APBA3: variants seen among roughly 807,000 people sequenced by gnomAD.
APBA3 encodes amyloid-beta A4 precursor protein-binding family A member 3.
In APBA3, 45 loss-of-function variants were observed where a neutral mutation model predicts 55.9. That is an observed-to-expected ratio of 0.80 (90% confidence interval 0.63 to 1.03). APBA3 has a LOEUF of 1.03. APBA3 is among the 50% of genes least tolerant of loss of function. The probability of loss-of-function intolerance (pLI) is 0.00; values close to 1 mark genes in which losing one functional copy is unlikely to be tolerated. For missense variants in APBA3, 865 were observed against 820.3 expected (o/e 1.05, Z -0.67); for synonymous variants, 370 against 353.3 (o/e 1.05, Z -0.53).
chr19:3,760,491 G>T (rs1434706811), intron 1 of APBA3, among the ~76,000 whole-genome samples, 190 bp from the exon 2 acceptor site: 1 of 151,448 alleles, frequency 6.6e-6, no homozygotes, highest in Admixed American at 6.6e-5. Context: ...GCTCACGCCT[G>T]TAATTCCCAG....
Position 3,760,284 on chromosome 19 carries a change from G to A in APBA3, c.-20C>T, listed in dbSNP as rs1322415561. On this transcript the variant is annotated 5_prime_UTR_variant, in exon 2 of 11. Coordinates refer to ENST00000316757, the MANE Select transcript of APBA3 (RefSeq NM_004886.4). Reference sequence around the variant, plus strand: ...GTCCATGCCTGGACTCCAGGCTTAGGCCGGCATCTTCAGGCAGCTGAAAGA... The same window carrying A: ...GTCCATGCCTGGACTCCAGGCTTAGACCGGCATCTTCAGGCAGCTGAAAGA... The A allele has an allele frequency of 3.8e-6, 6 of 1,571,234 alleles. No homozygotes were observed. Among genetic ancestry groups the A allele is most frequent in the Non-Finnish European group, 5.1e-6 (6 of 1,168,336 alleles).
chr19:3,752,439 A>C, intron 8 of APBA3, 69 bp downstream of exon 8: 1 of 1,407,102 alleles, frequency 7.1e-7, no homozygotes. Context: ...CTGGCCAGGG[A>C]GGAGACCTCT....
At chr19:3,756,424 A>C (rs1487565427) in intron 3 of APBA3, 1 of 152,262 alleles carries the variant, frequency 6.6e-6, no homozygotes, top group Admixed American at 6.5e-5. Context: ...GGTTGCAGTG[A>C]GCCAAGATTG....
chr19:3,751,623 C>T, intron 8 of APBA3, 70 bp from the exon 9 acceptor site: 1 of 1,492,344 alleles, frequency 6.7e-7, no homozygotes, highest in Non-Finnish European at 8.9e-7. Context: ...CCCTCTGGGC[C>T]TCAGTTTACC....
rs2036995195 is a variant in APBA3, at chr19:3,751,222, G to A, written c.1623C>T (p.Arg541=). The A allele has an allele frequency of 1.9e-6, 3 of 1,550,466 alleles. No homozygotes were observed. Among genetic ancestry groups the A allele is most frequent in the Non-Finnish European group, 2.6e-6 (3 of 1,148,884 alleles). Residue 541 remains arginine, a synonymous_variant, in exon 10 of 11, where the codon CGC becomes CGT. Coordinates refer to ENST00000316757, the MANE Select transcript of APBA3 (RefSeq NM_004886.4). ...AGGCCTCGGTGAGCAGCTCGATGAT[G>A]CGGGCGTGTGGCGTGGCCACCACAC... The part of the protein sequence containing the change: ...GQSVVATPHA[R]IIELLTEAYG...
chr19:3,757,738 T>C (rs1171277945), intron 3 of APBA3, among the ~76,000 whole-genome samples: 1 of 152,142 alleles, frequency 6.6e-6, no homozygotes, highest in Non-Finnish European at 1.5e-5. Flanking sequence ...GAAATTGTTC[T>C]TCCCATGCTT....
rs368420587 is a variant in APBA3 at position 3,759,931 on chromosome 19, G to A, written c.334C>T (p.Leu112=). Residue 112 remains leucine, a synonymous_variant, in exon 2 of 11, where the codon CTG becomes TTG. Transcript: ENST00000316757. ...TCCTCGCAGTGCAAGAGGCCCAGCA[G>A]GTCATCCCGGCCAGCTTCGGCAGAC... ...LLSAEAGRDD[L]LGLLHCEECP... 1.2e-6 allele frequency: 2 copies of A among 1,610,936 alleles called. No individual in the cohort carries two copies. The highest frequency in any genetic ancestry group is 3.4e-5 in the Admixed American group (2 of 59,302).
intron 3 of APBA3, chr19:3,754,620 T>C: frequency 2.5e-6 from 1 of 407,522 alleles, no homozygotes; most frequent in Non-Finnish European, 4.4e-6. Context: ...CACAGATACC[T>C]TCACCCCGTG....
chr19:3,759,857 G>T lies in APBA3; in HGVS notation c.408C>A (p.Pro136=). Residue 136 remains proline (P), a synonymous_variant, in exon 2 of 11, where the codon CCC becomes CCA. Transcript: ENST00000316757. ...TGPEEPLEPA[P]RLLQPPEDPD... ...GGTCCTCAGGGGGCTGCAACAGTCG[G>T]GGGGCAGGCTCTAGAGGCTCTTCAG... 1 of 1,612,680 alleles carries T rather than the reference G, an allele frequency of 6.2e-7. No individual in the cohort carries two copies. Among genetic ancestry groups the T allele is most frequent in the Non-Finnish European group, 8.5e-7 (1 of 1,179,870 alleles).
chr19:3,751,235 G>T lies in APBA3; in HGVS notation c.1610C>A (p.Thr537Lys). 1 of 1,548,012 alleles carries T rather than the reference G, an allele frequency of 6.5e-7. No homozygotes were observed. The highest frequency in any genetic ancestry group is 1.2e-5 in the South Asian group (1 of 84,174). The change falls in exon 10 of 11, where the codon ACG becomes AAG. Residue 537 changes from threonine to lysine, a missense_variant. Transcript: ENST00000316757. The part of the protein sequence containing the change: ...IEINGQSVVA[T>K]PHARIIELLT... ...CAGCTCGATGATGCGGGCGTGTGGCGTGGCCACCACACTCTGCCCATTGAT... is the reference window on the plus strand; with the variant it reads ...CAGCTCGATGATGCGGGCGTGTGGCTTGGCCACCACACTCTGCCCATTGAT...
rs780597479 is a variant in APBA3, at chr19:3,751,310, C to A, written c.1535G>T (p.Gly512Val). 45 of 1,538,234 alleles carry A rather than the reference C, an allele frequency of 2.9e-5. No individual in the cohort carries two copies. In the South Asian group the frequency reaches 5.1e-4, roughly 18 times the overall value. ...EDGIICSLLR[G>V]GIAERGGIRV... The stretch of plus-strand genomic sequence containing the variant: ...GATGCCCCCACGCTCGGCGATGCCA[C>A]CACGGAGGAGGCTGCAGATCTGGGG... Residue 512 changes from glycine to valine, a missense_variant, in exon 10 of 11, where the codon GGT becomes GTT. Coordinates refer to ENST00000316757, the MANE Select transcript of APBA3 (RefSeq NM_004886.4).
In APBA3 at chr19:3,751,485, G is replaced by C. The variant is rs375775594; in HGVS notation, c.1464C>G (p.Ile488Met). Reference sequence around the variant, plus strand: ...GCTGCTCGCGGGCGTGGGGCCGGTGGATGATGGCGGTGGTGACGGGAGGGC... The same window carrying C: ...GCTGCTCGCGGGCGTGGGGCCGGTGCATGATGGCGGTGGTGACGGGAGGGC... ...VHCPPVTTAI[I>M]HRPHAREQLG... The change falls in exon 9 of 11, where the codon ATC becomes ATG. Residue 488 changes from isoleucine to methionine, a missense_variant. Ile to Met is a conservative substitution (Grantham distance 10). Transcript: ENST00000316757. 40 of 1,574,520 alleles carry C rather than the reference G, an allele frequency of 2.5e-5. No homozygotes were observed. The highest frequency in any genetic ancestry group is 3.4e-5 in the Non-Finnish European group (40 of 1,164,158).
chr19:3,753,133 G>T (rs936231947), intron 6 of APBA3, 143 bp from the exon 7 acceptor site: 2 of 959,384 alleles, frequency 2.1e-6, no homozygotes, highest in Non-Finnish European at 1.5e-6. Context: ...CTGGGGCTTT[G>T]GGGGAGGTGG....
Position 3,760,144 on chromosome 19 carries a change from G to A in APBA3, c.121C>T (p.Pro41Ser). The A allele has an allele frequency of 6.2e-7, 1 of 1,613,426 alleles. No individual in the cohort carries two copies. The highest frequency in any genetic ancestry group is 8.5e-7 in the Non-Finnish European group (1 of 1,180,026). The change falls in exon 2 of 11, where the codon CCA becomes TCA. Residue 41 changes from proline (P) to serine (S), a missense_variant. By Grantham distance (74) the Pro-to-Ser change is moderately conservative. Transcript: ENST00000316757. ...LTPDSQWDPM[P>S]GGPGSLSRME... ...CGACTGAGGCTGCCGGGGCCTCCTG[G>A]CATAGGGTCCCACTGGCTGTCAGGG...
intron 3 of APBA3, among the ~76,000 whole-genome samples, chr19:3,757,442 G>A (rs1442445667): frequency 6.6e-6 from 1 of 152,048 alleles, no homozygotes; most frequent in Non-Finnish European, 1.5e-5. Context: ...TTAGCGAAGT[G>A]TAGAACAGAG....
chr19:3,758,937 G>C (rs957420547), intron 3 of APBA3, among the ~76,000 whole-genome samples: 2 of 151,404 alleles, frequency 1.3e-5, no homozygotes, highest in East Asian at 3.9e-4. Flanking sequence ...AAATGCAAAG[G>C]ACACCCGGGC....
chr19:3,760,946 T>G (rs2037139196), intron 1 of APBA3, among the ~76,000 whole-genome samples: 1 of 151,802 alleles, frequency 6.6e-6, no homozygotes, highest in African/African-American at 2.4e-5. Context: ...AACAAAAAAC[T>G]TGAGGTTTCC....
intron 3 of APBA3, 175 bp from the exon 4 acceptor site, chr19:3,754,515 A>G (rs569731453): frequency 8.7e-6 from 7 of 802,616 alleles, no homozygotes; most frequent in Non-Finnish European, 1.3e-5. Context: ...CCTGGCCCTC[A>G]CAGGTCTAGA....
intron 10 of APBA3, 23 bp downstream of exon 10, chr19:3,751,166 G>A (rs199933193): frequency 6.0e-5 from 93 of 1,553,956 alleles, no homozygotes; most frequent in East Asian, 2.4e-5. Context: ...GGCGCCCCTG[G>A]CCACCACCCA....
Sources: gnomAD v4.1 joint callset for allele counts (sites outside exome capture counted in the v4.1 genomes callset) on GRCh38, gnomAD v4.1.1 for gene constraint, MANE v1.5 for transcripts, NCBI Gene and HGNC (gene_info 2026-07-23, HGNC 2026-07-21) for gene names.